The following GOLM1 variants were observed in gnomAD, a reference collection of about 807,000 sequenced individuals.
The protein encoded by GOLM1 is golgi membrane protein 1, also known as epididymis luminal protein 46.
Under a neutral mutation model 50.5 loss-of-function variants are expected in GOLM1, and 31 were observed. The ratio of observed to expected loss-of-function variants is 0.61; its 90% CI spans 0.46 to 0.83. The LOEUF (loss-of-function observed/expected upper bound fraction) is 0.83, where lower values mean the gene tolerates loss of function less well. Ranked by LOEUF, GOLM1 falls within the 40% of genes least tolerant of loss-of-function variation. The pLI is 0.00. For synonymous variants in GOLM1, 178 were observed against 192.8 expected (o/e 0.92, Z 0.64); for missense variants, 491 against 501.3 (o/e 0.98, Z 0.20).
At position 86,079,628 on chromosome 9, in the gene GOLM1, A is replaced by G. The variant is rs1224411379; in HGVS notation, c.-21-287T>C. ...ATTAGCTCGAGACCTGGGGCAAGAC[A>G]TGATTCCTCTTACACTTCAGATTCC... On this transcript the variant is annotated intron_variant, in intron 1 of 9. Transcript: ENST00000388712. 1.8e-5 allele frequency: 5 copies of G among 282,832 alleles called. 1 individual carries two copies. The highest frequency in any genetic ancestry group is 3.3e-5 in the Non-Finnish European group (5 of 153,774). The allele number at this position is 282,832 out of a possible 1,614,324, so 17.5% of individuals were successfully genotyped here.
At position 86,027,290 on chromosome 9, in the gene GOLM1, C is replaced by G; in HGVS notation, c.*527G>C. On this transcript the variant is annotated 3_prime_UTR_variant, in exon 10 of 10. Coordinates refer to ENST00000388712, the MANE Select transcript of GOLM1 (RefSeq NM_016548.4). Reference sequence around the variant, plus strand: ...TGCTAGTGACGTTTGTGTTAACAGTCAGTGCTCTAGGCCATTGATTGATTG... The same window carrying G: ...TGCTAGTGACGTTTGTGTTAACAGTGAGTGCTCTAGGCCATTGATTGATTG... 1.0e-6 allele frequency: 1 copy of G among 984,980 alleles called. No individual in the cohort carries two copies. The highest frequency in any genetic ancestry group is 5.2e-4 in the Middle Eastern group (1 of 1,914). 61.0% of individuals were successfully genotyped at this position (984,980 alleles called of 1,614,324 possible).
intron 1 of GOLM1, among the ~76,000 whole-genome samples, chr9:86,087,244 CTGTT>C (rs1835004456): frequency 6.6e-6 from 1 of 152,060 alleles, no homozygotes; most frequent in African/African-American, 2.4e-5. Context: ...CATGATTTGG[CTGTT>C]TGTCTATTAG....
intron 3 of GOLM1, among the ~76,000 whole-genome samples, chr9:86,054,726 C>T (rs1833935873): frequency 1.3e-5 from 2 of 152,104 alleles, no homozygotes. Context: ...CCAAGCAGGA[C>T]ACCAACGTAG....
At chr9:86,048,845 A>G (rs1317395388) in intron 4 of GOLM1, among the ~76,000 whole-genome samples, 1 of 152,158 alleles carries the variant, frequency 6.6e-6, no homozygotes, top group Non-Finnish European at 1.5e-5. Flanking sequence ...CTCTGATGGT[A>G]GTTTCTTTTG....
intron 1 of GOLM1, among the ~76,000 whole-genome samples, chr9:86,082,321 C>G (rs932032995): frequency 2.0e-5 from 3 of 151,214 alleles, no homozygotes; most frequent in Admixed American, 6.6e-5. Flanking sequence ...CCACCGTGCC[C>G]AGCCTGACAC....
At chr9:86,034,507 G>T (rs1292681283) in intron 8 of GOLM1, among the ~76,000 whole-genome samples, 1 of 152,190 alleles carries the variant, frequency 6.6e-6, no homozygotes, top group African/African-American at 2.4e-5. Flanking sequence ...GGCTGAGCGA[G>T]CCAGTGAGAT....
chr9:86,040,902 G>A lies in GOLM1; in HGVS notation c.468-34C>T, dbSNP rs145181530. 199 of 1,605,108 alleles carry A rather than the reference G, an allele frequency of 1.2e-4. No homozygotes were observed. The African/African-American group carries it at 2.2e-3, about 17-fold the overall frequency. On this transcript the variant is annotated intron_variant, in intron 5 of 9. Coordinates refer to ENST00000388712, the MANE Select transcript of GOLM1 (RefSeq NM_016548.4). ...AAAGAAAGCAAAGGAAGGGCCTGAC[G>A]TCTATGACTGTGTCTCTGCTGGACG...
At chr9:86,053,435 CACACCAT>C in intron 3 of GOLM1, among the ~76,000 whole-genome samples, 1 of 100,470 alleles carries the variant, frequency 1.0e-5, no homozygotes, top group African/African-American at 3.8e-5. Flanking sequence ...CACCACACCA[CACACCAT>C]TCCATACCAA....
rs187426692 is a variant in GOLM1 at position 86,051,870 on chromosome 9, A to T, written c.364+667T>A. 9.8e-5 allele frequency among the ~76,000 whole-genome samples: 15 copies of T among 152,342 alleles called. No individual in the cohort carries two copies. The East Asian group carries it at 2.9e-3, about 29-fold the overall frequency. On this transcript the variant is annotated intron_variant, in intron 4 of 9. Coordinates refer to ENST00000388712, the MANE Select transcript of GOLM1 (RefSeq NM_016548.4). ...TATTCTTAGAACCTGACTTAGAACT[A>T]GAATTCGAAACCAGCAATGACCAAA...
chr9:86,071,624 G>C (rs1834450070), intron 3 of GOLM1, among the ~76,000 whole-genome samples: 1 of 151,702 alleles, frequency 6.6e-6, no homozygotes, highest in African/African-American at 2.4e-5. Flanking sequence ...AGTGAGCCGA[G>C]ATCGTGCCAC....
At position 86,097,067 on chromosome 9, in the gene GOLM1, CTT is replaced by C. The variant is rs35392923; in HGVS notation, c.-22+2342_-22+2343del. On this transcript the variant is annotated intron_variant, in intron 1 of 9. Coordinates refer to ENST00000388712, the MANE Select transcript of GOLM1 (RefSeq NM_016548.4). ...ATGTAAAAATCTGAGAAGGCATGGA[CTT>C]TTTTTTTTTTTTTTCCTGAAAGTGT... Among the ~76,000 whole-genome samples, 640 of 143,146 alleles carry C rather than the reference CTT, an allele frequency of 4.5e-3. 3 individuals carry two copies. The highest frequency in any genetic ancestry group is 0.012 in the African/African-American group (459 of 39,136). 93.9% of individuals were successfully genotyped at this position (143,146 alleles called of 152,430 possible). A position where few individuals can be genotyped will look rare whatever the true frequency, so the allele number is the denominator to read the frequency against.
At chr9:86,035,089 A>C in intron 8 of GOLM1, 1 of 985,314 alleles carries the variant, frequency 1.0e-6, no homozygotes, top group Non-Finnish European at 1.2e-6. Context: ...CGTCCACTTG[A>C]TGCTAAGCAC....
At chr9:86,028,502 G>T (rs186568810) in intron 9 of GOLM1, among the ~76,000 whole-genome samples, 1 of 152,172 alleles carries the variant, frequency 6.6e-6, no homozygotes, top group Admixed American at 6.5e-5. Context: ...AATAAATCTT[G>T]CATTCATTCT....
intron 3 of GOLM1, among the ~76,000 whole-genome samples, chr9:86,058,761 C>T (rs1377661909): frequency 6.6e-6 from 1 of 150,544 alleles, no homozygotes; most frequent in Non-Finnish European, 1.5e-5. Context: ...CTTTGGAAGT[C>T]CGAGGCGGGC....
At chr9:86,032,830 C>T (rs1253327853) in intron 9 of GOLM1, among the ~76,000 whole-genome samples, 5 of 152,182 alleles carry the variant, frequency 3.3e-5, no homozygotes, top group African/African-American at 4.8e-5. Flanking sequence ...CAGACAAGGC[C>T]AGAGTTTGAT....
chr9:86,054,926 T>C lies in GOLM1; in HGVS notation c.310-2335A>G, dbSNP rs150503704. ...TCCACAAAGTTTGCAAATAATCCAT[T>C]ACTTGACATGCTGCCCATAACGTGG... On this transcript the variant is annotated intron_variant, in intron 3 of 9. Transcript: ENST00000388712. Among the ~76,000 whole-genome samples the C allele has an allele frequency of 3.2e-3, 486 of 152,286 alleles. 2 individuals are homozygous for C. The highest frequency in any genetic ancestry group is 0.011 in the African/African-American group (442 of 41,566).
chr9:86,035,300 G>A (rs1183107732), intron 8 of GOLM1, 68 bp downstream of exon 8: 5 of 1,574,800 alleles, frequency 3.2e-6, no homozygotes, highest in Non-Finnish European at 4.3e-6. Flanking sequence ...GTGCTGGGAA[G>A]GACATGGAGG....
chr9:86,046,943 C>T (rs1833566074), intron 4 of GOLM1, among the ~76,000 whole-genome samples: 1 of 142,662 alleles, frequency 7.0e-6, no homozygotes, highest in Non-Finnish European at 1.5e-5. Flanking sequence ...CCACCCTGCC[C>T]TCATCCCTGG....
chr9:86,033,514 C>T (rs1833044849), intron 8 of GOLM1, 119 bp from the exon 9 acceptor site: 2 of 660,604 alleles, frequency 3.0e-6, no homozygotes, highest in South Asian at 1.8e-5. Context: ...TGTCTGCTGC[C>T]TCTCTGGAAA....
Sources: allele counts gnomAD v4.1 joint callset (sites outside exome capture counted in the v4.1 genomes callset), GRCh38; gene constraint gnomAD v4.1.1; transcripts MANE v1.5; gene names NCBI Gene and HGNC (gene_info 2026-07-23, HGNC 2026-07-21).